The following DOK5 variants were observed in gnomAD, a reference collection of about 807,000 sequenced individuals.
DOK5 encodes the protein docking protein 5, also known as downstream of tyrosine kinase 5.
DOK5 carries 27 observed loss-of-function variants against 43.3 expected under a neutral mutation model. The ratio of observed to expected loss-of-function variants is 0.62; its 90% CI spans 0.46 to 0.86. DOK5 has a LOEUF of 0.86. Ranked by LOEUF, DOK5 falls within the 40% of genes least tolerant of loss-of-function variation. The pLI is 0.00. For synonymous variants in DOK5, 146 were observed against 140.1 expected, an observed-to-expected ratio of 1.04 and a Z score of -0.30; for missense variants, 373 against 392.9, an observed-to-expected ratio of 0.95 and a Z score of 0.43.
At chr20:54,509,287 C>T (rs1324938502) in intron 1 of DOK5, among the ~76,000 whole-genome samples, 1 of 152,184 alleles carries the variant, frequency 6.6e-6, no homozygotes, top group Admixed American at 6.5e-5. Flanking sequence ...AACTGCTGGG[C>T]TCCAGCGATT....
chr20:54,608,654 A>G (rs1201562870), intron 5 of DOK5, among the ~76,000 whole-genome samples: 1 of 142,068 alleles, frequency 7.0e-6, no homozygotes, highest in South Asian at 2.2e-4. Flanking sequence ...TTTTCCCTCT[A>G]TTTCTTCTTC....
intron 4 of DOK5, among the ~76,000 whole-genome samples, chr20:54,590,841 T>C (rs2146769393): frequency 6.6e-6 from 1 of 152,342 alleles, no homozygotes; most frequent in Admixed American, 6.5e-5. Context: ...TGTTCATTTT[T>C]CACTGAAAGA....
intron 1 of DOK5, among the ~76,000 whole-genome samples, chr20:54,517,989 A>C (rs1568763788): frequency 6.6e-6 from 1 of 152,146 alleles, no homozygotes; most frequent in Non-Finnish European, 1.5e-5. Flanking sequence ...TTTGTTATAG[A>C]GGCCCAAATG....
Position 54,506,978 on chromosome 20 carries a change from T to C in DOK5, c.66+30966T>C, listed in dbSNP as rs971100093. Among the ~76,000 whole-genome samples, 7 of 152,358 alleles carry C rather than the reference T, an allele frequency of 4.6e-5. No homozygotes were observed. The South Asian group carries it at 1.4e-3, about 32-fold the overall frequency. On this transcript the variant is annotated intron_variant, in intron 1 of 7. Coordinates refer to ENST00000262593, the MANE Select transcript of DOK5 (RefSeq NM_018431.5). Reference sequence around the variant, plus strand: ...ATTTACAGTTTATTTAATCTATCTATATCCTTGTCCTCATCTATAAAATAG... The same window carrying C: ...ATTTACAGTTTATTTAATCTATCTACATCCTTGTCCTCATCTATAAAATAG...
At chr20:54,587,957 G>A (rs1055958652) in intron 2 of DOK5, among the ~76,000 whole-genome samples, 1 of 152,104 alleles carries the variant, frequency 6.6e-6, no homozygotes, top group Non-Finnish European at 1.5e-5. Context: ...GACTCTTGAC[G>A]CTGTATCTCT....
intron 7 of DOK5, among the ~76,000 whole-genome samples, chr20:54,649,704 G>A (rs933602184): frequency 6.6e-6 from 1 of 152,198 alleles, no homozygotes; most frequent in Non-Finnish European, 1.5e-5. Flanking sequence ...ACAATGGCTT[G>A]TGAGCCAGAT....
chr20:54,639,700 A>G (rs1362480694), intron 6 of DOK5, among the ~76,000 whole-genome samples: 1 of 152,176 alleles, frequency 6.6e-6, no homozygotes, highest in African/African-American at 2.4e-5. Context: ...CTAAATCCTC[A>G]TTTAATGTTG....
At chr20:54,508,153 T>G (rs1015593988) in intron 1 of DOK5, among the ~76,000 whole-genome samples, 3 of 152,110 alleles carry the variant, frequency 2.0e-5, no homozygotes, top group Non-Finnish European at 4.4e-5. Context: ...TTTAGACCCA[T>G]AGACTTCAAA....
At chr20:54,553,202 C>CT (rs1984587221) in intron 1 of DOK5, among the ~76,000 whole-genome samples, 1 of 152,126 alleles carries the variant, frequency 6.6e-6, no homozygotes, top group Non-Finnish European at 1.5e-5. Context: ...GATTTCTATT[C>CT]TTTTTCTTTT....
At chr20:54,586,849 C>A (rs571937783) in intron 2 of DOK5, among the ~76,000 whole-genome samples, 2 of 151,582 alleles carry the variant, frequency 1.3e-5, no homozygotes, top group Non-Finnish European at 2.9e-5. Flanking sequence ...AGACATAGAG[C>A]ACATGGGAAA....
chr20:54,508,791 G>C (rs984738225), intron 1 of DOK5, among the ~76,000 whole-genome samples: 13 of 151,952 alleles, frequency 8.6e-5, no homozygotes, highest in African/African-American at 3.1e-4. Context: ...TGTTGGCCAG[G>C]CTGGTCTTGA....
At chr20:54,479,764 C>G (rs1981592451) in intron 1 of DOK5, among the ~76,000 whole-genome samples, 1 of 152,200 alleles carries the variant, frequency 6.6e-6, no homozygotes, top group South Asian at 2.1e-4. Flanking sequence ...CACATCTCCA[C>G]TTGGATGACT....
chr20:54,602,839 A>G (rs1986339245), intron 5 of DOK5, among the ~76,000 whole-genome samples: 1 of 151,876 alleles, frequency 6.6e-6, no homozygotes, highest in Non-Finnish European at 1.5e-5. Flanking sequence ...ATGCCTGGAT[A>G]ATTTTTGTAT....
At chr20:54,494,100 A>C (rs904209597) in intron 1 of DOK5, among the ~76,000 whole-genome samples, 2 of 152,224 alleles carry the variant, frequency 1.3e-5, no homozygotes, top group South Asian at 2.1e-4. Context: ...GAGCTTCACA[A>C]GGGCACAGCT....
intron 7 of DOK5, among the ~76,000 whole-genome samples, chr20:54,648,763 C>A (rs941249487): frequency 2.6e-5 from 4 of 152,154 alleles, no homozygotes; most frequent in Non-Finnish European, 5.9e-5. Flanking sequence ...TCGATATTTT[C>A]ATTCAAGGGA....
At chr20:54,616,661 T>G (rs2146800240) in intron 6 of DOK5, among the ~76,000 whole-genome samples, 1 of 152,274 alleles carries the variant, frequency 6.6e-6, no homozygotes, top group Middle Eastern at 3.4e-3. Flanking sequence ...TCAGGAGTTT[T>G]GGCATAGCAT....
chr20:54,618,149 A>G (rs1397496899), intron 6 of DOK5, among the ~76,000 whole-genome samples: 1 of 152,170 alleles, frequency 6.6e-6, no homozygotes, highest in Non-Finnish European at 1.5e-5. Context: ...CCTATGATAT[A>G]GATGAGAAAA....
intron 6 of DOK5, among the ~76,000 whole-genome samples, chr20:54,623,223 G>A (rs896776969): frequency 1.3e-5 from 2 of 152,170 alleles, no homozygotes; most frequent in African/African-American, 4.8e-5. Flanking sequence ...TAGAGGCCAG[G>A]AGTGCTGTAA....
At chr20:54,606,813 T>G (rs545155625) in intron 5 of DOK5, among the ~76,000 whole-genome samples, 1 of 152,264 alleles carries the variant, frequency 6.6e-6, no homozygotes, top group South Asian at 2.1e-4. Context: ...TCTTCATGGG[T>G]CAGGCTGTCC....
Sources: gnomAD v4.1 joint callset for allele counts (sites outside exome capture counted in the v4.1 genomes callset) on GRCh38, gnomAD v4.1.1 for gene constraint, MANE v1.5 for transcripts, NCBI Gene and HGNC (gene_info 2026-07-23, HGNC 2026-07-21) for gene names.